Variants in P4HA1 observed in about 807,000 individuals in gnomAD.
P4HA1 encodes the protein prolyl 4-hydroxylase subunit alpha 1.
In P4HA1, 24 loss-of-function variants were observed where a neutral mutation model predicts 72.8. The ratio of observed to expected loss-of-function variants is 0.33; its 90% CI spans 0.24 to 0.46. P4HA1 has a LOEUF of 0.46. P4HA1 is among the 20% of genes least tolerant of loss of function. The pLI is 1.00. For synonymous variants in P4HA1, 201 were observed against 218.8 expected, an observed-to-expected ratio of 0.92 and a Z score of 0.72; for missense variants, 446 against 640.6, an observed-to-expected ratio of 0.70 and a Z score of 3.28.
At chr10:73,035,503 G>C (rs757355103) in intron 9 of P4HA1, among the ~76,000 whole-genome samples, 2 of 152,078 alleles carry the variant, frequency 1.3e-5, no homozygotes, top group African/African-American at 2.4e-5. Flanking sequence ...GCAACAGAAT[G>C]AGACCTCATC....
At chr10:73,074,308 A>C (rs1020130899) in intron 2 of P4HA1, among the ~76,000 whole-genome samples, 1 of 152,128 alleles carries the variant, frequency 6.6e-6, no homozygotes, top group African/African-American at 2.4e-5. Context: ...ACTGGAATCA[A>C]GAGTCATAAG....
chr10:73,007,224 A>T lies in P4HA1; in HGVS notation c.*998T>A, dbSNP rs200862174. 1.3e-5 allele frequency: 2 copies of T among 152,488 alleles called. No individual in the cohort carries two copies. The highest frequency in any genetic ancestry group is 1.3e-4 in the Admixed American group (2 of 15,278). 9.4% of individuals were successfully genotyped at this position (152,488 alleles called of 1,614,324 possible). ...CCACACAGAAAACAAACATTTTTTTAAAAAAGATTTAAGATCATAAATAGG... is the reference window on the plus strand; with the variant it reads ...CCACACAGAAAACAAACATTTTTTTTAAAAAGATTTAAGATCATAAATAGG... On this transcript the variant is annotated 3_prime_UTR_variant, in exon 15 of 15. Coordinates refer to ENST00000394890, the MANE Select transcript of P4HA1 (RefSeq NM_001017962.3).
At chr10:73,076,007 G>A (rs1190881578) in intron 1 of P4HA1, among the ~76,000 whole-genome samples, 1 of 152,086 alleles carries the variant, frequency 6.6e-6, no homozygotes, top group African/African-American at 2.4e-5. Context: ...TTGGGAGGCT[G>A]AGGCAGGAGG....
chr10:73,023,644 C>T (rs1564620846), intron 10 of P4HA1, among the ~76,000 whole-genome samples: 1 of 152,034 alleles, frequency 6.6e-6, no homozygotes, highest in Non-Finnish European at 1.5e-5. Context: ...TCACATATAA[C>T]AATATTAGCC....
intron 5 of P4HA1, among the ~76,000 whole-genome samples, chr10:73,055,045 T>G (rs1441575507): frequency 6.6e-6 from 1 of 152,128 alleles, no homozygotes; most frequent in Non-Finnish European, 1.5e-5. Context: ...GACAACGTAA[T>G]GAGACCCTCA....
chr10:73,028,780 C>CA (rs1002797418), intron 10 of P4HA1, among the ~76,000 whole-genome samples: 108 of 151,938 alleles, frequency 7.1e-4, no homozygotes, highest in African/African-American at 2.5e-3. Context: ...CACAGTGGCT[C>CA]ATGCCTGTAA....
chr10:73,037,418 G>A lies in P4HA1; in HGVS notation c.1149-7048C>T, dbSNP rs544218056. On this transcript the variant is annotated intron_variant, in intron 9 of 14. Transcript: ENST00000394890. ...ACTACACTTCTAATATGTGAGTAAG[G>A]AAAGCTCCAAAGAAAAATGTCAGTA... 6.5e-3 allele frequency among the ~76,000 whole-genome samples: 965 copies of A among 148,910 alleles called. 17 individuals carry two copies. The highest frequency in any genetic ancestry group is 0.022 in the African/African-American group (895 of 40,476).
At position 73,051,136 on chromosome 10, in the gene P4HA1, G is replaced by A. The variant is rs1217008948; in HGVS notation, c.817C>T (p.Pro273Ser). 3.1e-6 allele frequency: 5 copies of A among 1,613,598 alleles called. No homozygotes were observed. Among genetic ancestry groups the A allele is most frequent in the Non-Finnish European group, 8.5e-7 (1 of 1,179,802 alleles). ...SDDQSDQKTT[P>S]KKKGVAVDYL... ...TCCACAGCAACCCCTTTTTTCTTTG[G>A]TGTAGTTTTCTGATCAGATTGGTCA... Residue 273 changes from proline (P) to serine (S), a missense_variant, in exon 7 of 15, where the codon CCA becomes TCA. Transcript: ENST00000394890.
intron 1 of P4HA1, among the ~76,000 whole-genome samples, chr10:73,085,632 C>T (rs530493423): frequency 2.0e-5 from 3 of 152,260 alleles, no homozygotes; most frequent in Non-Finnish European, 2.9e-5. Context: ...ATCTGCCCAC[C>T]TCAGCCTCCC....
intron 5 of P4HA1, among the ~76,000 whole-genome samples, chr10:73,058,326 C>T (rs1016164460): frequency 1.3e-5 from 2 of 152,070 alleles, no homozygotes; most frequent in African/African-American, 2.4e-5. Context: ...CTCAGTCCCA[C>T]GAATGCCTGC....
chr10:73,076,554 A>G (rs184172126), intron 1 of P4HA1, among the ~76,000 whole-genome samples: 1 of 152,144 alleles, frequency 6.6e-6, no homozygotes, highest in Admixed American at 6.5e-5. Context: ...AGCAAAGCCC[A>G]TTAGTGTTTT....
chr10:73,049,128 A>AAAAAAG (rs144626644), intron 7 of P4HA1, among the ~76,000 whole-genome samples: 1 of 151,000 alleles, frequency 6.6e-6, no homozygotes, highest in African/African-American at 2.5e-5. Context: ...GAGAAAAAAA[A>AAAAAAG]AAGAAAATAA....
intron 9 of P4HA1, among the ~76,000 whole-genome samples, chr10:73,043,510 C>G (rs968907716): frequency 6.6e-6 from 1 of 152,208 alleles, no homozygotes; most frequent in Non-Finnish European, 1.5e-5. Context: ...AAGGCACTTA[C>G]TTACGCAATA....
chr10:73,083,486 A>C (rs1841865250), intron 1 of P4HA1, among the ~76,000 whole-genome samples: 1 of 152,354 alleles, frequency 6.6e-6, no homozygotes, highest in South Asian at 2.1e-4. Flanking sequence ...CTTAACTGAA[A>C]GTGCTACACA....
intron 5 of P4HA1, among the ~76,000 whole-genome samples, chr10:73,062,012 T>C (rs1297524947): frequency 6.6e-6 from 1 of 152,160 alleles, no homozygotes; most frequent in Admixed American, 6.6e-5. Flanking sequence ...GAGTGAAATC[T>C]TGCCTCAAAA....
intron 5 of P4HA1, among the ~76,000 whole-genome samples, chr10:73,054,007 C>T (rs1841078537): frequency 6.6e-6 from 1 of 152,090 alleles, no homozygotes; most frequent in African/African-American, 2.4e-5. Context: ...ACCTCCGCCT[C>T]CCAGGTTCAA....
chr10:73,059,919 C>G (rs192219748), intron 5 of P4HA1, among the ~76,000 whole-genome samples: 3 of 151,430 alleles, frequency 2.0e-5, no homozygotes, highest in Non-Finnish European at 4.4e-5. Flanking sequence ...CACTCCAGGC[C>G]GGGCAACAGA....
intron 1 of P4HA1, among the ~76,000 whole-genome samples, chr10:73,082,162 GTGTTC>G (rs1219116148): frequency 6.6e-6 from 1 of 152,192 alleles, no homozygotes; most frequent in East Asian, 1.9e-4. Context: ...GCTAATTTAA[GTGTTC>G]TGTTTTGAGC....
chr10:73,037,548 TATATATATATATATATATATATA>T (rs1241907186), intron 9 of P4HA1, among the ~76,000 whole-genome samples: 18 of 28,830 alleles, frequency 6.2e-4, no homozygotes, highest in Admixed American at 4.0e-3. Flanking sequence ...TATATATATA[TATATATATATATATATATATATA>T]TTTTTTTTTT....
Sources: gnomAD v4.1 joint callset for allele counts (sites outside exome capture counted in the v4.1 genomes callset) on GRCh38, gnomAD v4.1.1 for gene constraint, MANE v1.5 for transcripts, NCBI Gene and HGNC (gene_info 2026-07-23, HGNC 2026-07-21) for gene names.